SSR4: variants seen among roughly 807,000 people sequenced by gnomAD.
SSR4 encodes the protein signal sequence receptor subunit 4.
For missense variants in SSR4, 125 were observed against 148.8 expected (o/e 0.84, Z 0.83); for synonymous variants, 84 against 65.6 (o/e 1.28, Z -1.35).
Position 153,796,420 on chromosome X carries a change from C to A in SSR4, c.68-14C>A, listed in dbSNP as rs2092141708. 8.6e-7 allele frequency: 1 copy of A among 1,159,953 alleles called. No homozygotes were observed. Among genetic ancestry groups the A allele is most frequent in the African/African-American group, 1.8e-5 (1 of 56,398 alleles). ...AGCTGGCCTTACCCAGGCATCTCTCCCTCTTCCCCGCAGCCGAGGCCTGCC... is the reference window on the plus strand; with the variant it reads ...AGCTGGCCTTACCCAGGCATCTCTCACTCTTCCCCGCAGCCGAGGCCTGCC... On this transcript the variant is annotated splice_polypyrimidine_tract_variant and intron_variant, in intron 1 of 5. Coordinates refer to ENST00000370086, the MANE Select transcript of SSR4 (RefSeq NM_006280.3).
chrX:153,794,627 C>T, upstream of SSR4: 4 of 1,209,255 alleles, frequency 3.3e-6, no homozygotes, highest in Non-Finnish European at 4.5e-6. Context: ...GTCGCTCTTC[C>T]TCGTTTGCCC....
At chrX:153,797,586 TG>T (rs1557072904) in intron 3 of SSR4, 54 bp downstream of exon 3, 2 of 1,161,407 alleles carry the variant, frequency 1.7e-6, no homozygotes, top group Non-Finnish European at 2.4e-6. Flanking sequence ...GGGTGTGACC[TG>T]AAGCCCCAGG....
At chrX:153,797,863 A>G in intron 4 of SSR4, 49 bp downstream of exon 4, 5 of 1,076,364 alleles carry the variant, frequency 4.6e-6, no homozygotes, top group Non-Finnish European at 5.1e-6. Flanking sequence ...GGGGAGCAGG[A>G]TGGGCTGGGT....
intron 1 of SSR4, chrX:153,794,973 C>T (rs2092130597): frequency 2.3e-6 from 1 of 439,089 alleles, no homozygotes; most frequent in Non-Finnish European, 3.9e-6. Flanking sequence ...GAAGAGGAGT[C>T]CCCGAGCCTC....
chrX:153,794,497 G>C (rs1248048290), upstream of SSR4: 7 of 1,156,677 alleles, frequency 6.1e-6, no homozygotes, highest in South Asian at 3.9e-5. Flanking sequence ...GCCATGTTGA[G>C]GGGGGGACCG....
upstream of SSR4, chrX:153,794,651 G>C: frequency 8.3e-7 from 1 of 1,211,767 alleles, no homozygotes; most frequent in African/African-American, 1.7e-5. Flanking sequence ...GTGTTCATGG[G>C]AGCTCGTTTT....
chrX:153,796,394 G>A lies in SSR4; in HGVS notation c.68-40G>A, dbSNP rs376182352. 1.1e-4 allele frequency: 111 copies of A among 1,018,748 alleles called. No individual in the cohort carries two copies. In the African/African-American group the frequency reaches 1.7e-3, roughly 16 times the overall value. 84.0% of individuals were successfully genotyped at this position (1,018,748 alleles called of 1,213,427 possible). A position where few individuals can be genotyped will look rare whatever the true frequency, so the allele number is the denominator to read the frequency against. ...ATCCTGCCCTCAGACCGGGATACTCGAGCTGGCCTTACCCAGGCATCTCTC... is the reference window on the plus strand; with the variant it reads ...ATCCTGCCCTCAGACCGGGATACTCAAGCTGGCCTTACCCAGGCATCTCTC... On this transcript the variant is annotated intron_variant, in intron 1 of 5. Coordinates refer to ENST00000370086, the MANE Select transcript of SSR4 (RefSeq NM_006280.3).
chrX:153,794,533 G>A (rs1186712357), upstream of SSR4: 2 of 1,166,039 alleles, frequency 1.7e-6, no homozygotes, highest in African/African-American at 1.8e-5. Flanking sequence ...CTGGCTCAGG[G>A]AGGGGCCACG....
chrX:153,796,721 C>T (rs1401071748), intron 2 of SSR4, 169 bp downstream of exon 2: 1 of 459,691 alleles, frequency 2.2e-6, no homozygotes, highest in Non-Finnish European at 3.8e-6. Context: ...AGGTCACCTT[C>T]CTCACCTGCT....
chrX:153,796,598 C>A (rs782334287), intron 2 of SSR4, 46 bp downstream of exon 2: 1 of 949,675 alleles, frequency 1.1e-6, no homozygotes, highest in South Asian at 2.0e-5. Context: ...GGGGGTGCTC[C>A]TCACTGCTAG....
rs1831216704 is a variant in SSR4, at chrX:153,798,349, G to C, written c.438G>C (p.Trp146Cys). 8.3e-7 allele frequency: 1 copy of C among 1,205,880 alleles called. No individual in the cohort carries two copies. The highest frequency in any genetic ancestry group is 1.7e-5 in the African/African-American group (1 of 57,419). ...TTCAGGGCACTTGGAACGGGCCCTG[G>C]GTGTCCACTGAGGTGCTGGCTGCGG... is the stretch of plus-strand genomic sequence containing the variant. ...VDHRGTWNGP[W>C]VSTEVLAAAI... The change falls in exon 6 of 6, where the codon TGG (tryptophan) becomes TGC (cysteine). Residue 146 changes from tryptophan (W) to cysteine (C), a missense_variant. Transcript: ENST00000370086.
At chrX:153,798,262 T>G (rs2092154965) in intron 5 of SSR4, 67 bp from the exon 6 acceptor site, 25 of 1,181,345 alleles carry the variant, frequency 2.1e-5, no homozygotes, top group Non-Finnish European at 2.2e-5. Context: ...TGGCGGAAGG[T>G]GACCAGGGCT....
At chrX:153,797,425 A>G in intron 2 of SSR4, 33 bp from the exon 3 acceptor site, 1 of 1,177,597 alleles carries the variant, frequency 8.5e-7, no homozygotes, top group South Asian at 1.8e-5. Flanking sequence ...CAGAGGGGGC[A>G]GAAGGTGACC....
intron 2 of SSR4, chrX:153,796,791 G>A (rs1259460229): frequency 2.2e-5 from 8 of 371,616 alleles, no homozygotes; most frequent in Non-Finnish European, 3.3e-5. Flanking sequence ...TCCTGAATGA[G>A]TATCTGGACC....
intron 1 of SSR4, chrX:153,795,810 C>A: frequency 2.5e-5 from 19 of 754,070 alleles, no homozygotes; most frequent in Middle Eastern, 7.6e-4. Context: ...CTGATGTAGG[C>A]GGCAGCCTTC....
Position 153,798,076 on chromosome X carries a change from G to C in SSR4, c.357G>C (p.Gln119His), listed in dbSNP as rs2092153570. Residue 119 changes from glutamine (Q) to histidine (H), a missense_variant, in exon 5 of 6, where the codon CAG becomes CAC. By Grantham distance (24) the Gln-to-His change is conservative. Coordinates refer to ENST00000370086, the MANE Select transcript of SSR4 (RefSeq NM_006280.3). ...CCCTTGCACCTCCCTTGCAGGCTCA[G>C]AGGAATAACGAGGACATTTCCATCA... is the stretch of plus-strand genomic sequence containing the variant. ...EESYSLLRKA[Q>H]RNNEDISIIP... The C allele has an allele frequency of 1.8e-6, 2 of 1,127,771 alleles. No individual in the cohort carries two copies. The highest frequency in any genetic ancestry group is 3.6e-5 in the East Asian group (1 of 27,471). 92.9% of individuals were successfully genotyped at this position (1,127,771 alleles called of 1,213,427 possible).
chrX:153,798,436 G>C lies in SSR4; in HGVS notation c.*3G>C. 1 of 1,176,881 alleles carries C rather than the reference G, an allele frequency of 8.5e-7. No individual in the cohort carries two copies. The highest frequency in any genetic ancestry group is 1.1e-6 in the Non-Finnish European group (1 of 877,089). On this transcript the variant is annotated 3_prime_UTR_variant, in exon 6 of 6. Transcript: ENST00000370086. ...CGAAGAGCCACATCCAGGCCTGAGG[G>C]CGGCACCCCAGCCCTGCCCTTGCTT...
intron 1 of SSR4, 188 bp downstream of exon 1, chrX:153,794,942 C>G: frequency 1.4e-5 from 7 of 505,718 alleles, no homozygotes; most frequent in Non-Finnish European, 1.9e-5. Flanking sequence ...GGCAGCCAGG[C>G]TTTTCCTTGT....
chrX:153,796,966 C>T (rs1390336087), intron 2 of SSR4: 1 of 174,842 alleles, frequency 5.7e-6, no homozygotes, highest in Non-Finnish European at 1.1e-5. Context: ...CTGCAGCCTC[C>T]ACCTCCCGGG....
Sources: gnomAD v4.1 joint callset for allele counts on GRCh38, gnomAD v4.1.1 for gene constraint, MANE v1.5 for transcripts, NCBI Gene and HGNC (gene_info 2026-07-23, HGNC 2026-07-21) for gene names.